IQSEC3: variants seen among roughly 807,000 people sequenced by gnomAD.
The protein encoded by IQSEC3 is IQ motif and Sec7 domain ArfGEF 3.
A neutral mutation model predicts 105.4 loss-of-function variants in IQSEC3; 50 were observed. The observed-to-expected ratio is 0.47, with a 90% CI of 0.38 to 0.60. IQSEC3 has a LOEUF of 0.60. Among genes scored for constraint, IQSEC3 ranks in the 20% least tolerant of loss-of-function variants. The probability of loss-of-function intolerance (pLI) is 0.00; values close to 1 mark genes in which losing one functional copy is unlikely to be tolerated. For synonymous variants in IQSEC3, 708 were observed against 746.0 expected, an observed-to-expected ratio of 0.95 and a Z score of 0.83; for missense variants, 1,415 against 1,630.0, an observed-to-expected ratio of 0.87 and a Z score of 2.27.
At chr12:115,341 G>T (rs1448719255) in intron 2 of IQSEC3, among the ~76,000 whole-genome samples, 2 of 152,148 alleles carry the variant, frequency 1.3e-5, no homozygotes, top group East Asian at 3.9e-4. Context: ...GGCTGACCTG[G>T]GTTGGAACAG....
chr12:87,842 T>C (rs1404928526), intron 1 of IQSEC3, among the ~76,000 whole-genome samples: 1 of 152,180 alleles, frequency 6.6e-6, no homozygotes, highest in African/African-American at 2.4e-5. Context: ...ACAGCTACCA[T>C]GTATTAGCCG....
chr12:117,831 C>T (rs1865098453), intron 2 of IQSEC3, among the ~76,000 whole-genome samples: 1 of 152,230 alleles, frequency 6.6e-6, no homozygotes, highest in South Asian at 2.1e-4. Flanking sequence ...AGAGCCGGGA[C>T]AGCCACATCT....
In IQSEC3 at chr12:175,053, C is replaced by A; in HGVS notation, c.*20C>A. The A allele has an allele frequency of 2.0e-6, 3 of 1,497,472 alleles. 1 individual carries two copies. The highest frequency in any genetic ancestry group is 2.7e-5 in the South Asian group (2 of 74,708). The allele number at this position is 1,497,472 out of a possible 1,614,324, so 92.8% of individuals were successfully genotyped here. A position where few individuals can be genotyped will look rare whatever the true frequency, so the allele number is the denominator to read the frequency against. ...GTGTAGACTCTGCCCCACCACCCTG[C>A]TGTCCTGGGAGGGCTGGCCACTGGG... On this transcript the variant is annotated 3_prime_UTR_variant, in exon 14 of 14. Coordinates refer to ENST00000538872, the MANE Select transcript of IQSEC3 (RefSeq NM_001170738.2).
intron 5 of IQSEC3, chr12:143,393 G>T (rs1315662888): frequency 1.3e-5 from 2 of 152,880 alleles, no homozygotes; most frequent in African/African-American, 4.8e-5. Context: ...CACCTCTCTG[G>T]GCCTCGGTGT....
intron 3 of IQSEC3, among the ~76,000 whole-genome samples, chr12:136,004 T>G (rs889868099): frequency 1.1e-4 from 17 of 152,216 alleles, no homozygotes; most frequent in Non-Finnish European, 5.9e-5. Flanking sequence ...TGTGGTCATG[T>G]GTTACACAGC....
chr12:81,731 C>A (rs187756517), intron 1 of IQSEC3, among the ~76,000 whole-genome samples: 112 of 152,182 alleles, frequency 7.4e-4, no homozygotes, highest in Non-Finnish European at 9.6e-4. Context: ...GCTTTTAAAG[C>A]CTTGAGACTG....
chr12:100,498 T>G (rs1322801996), intron 2 of IQSEC3, among the ~76,000 whole-genome samples: 1 of 152,182 alleles, frequency 6.6e-6, no homozygotes, highest in Admixed American at 6.5e-5. Flanking sequence ...GCATTGCTGT[T>G]CATTTTGCCT....
intron 5 of IQSEC3, among the ~76,000 whole-genome samples, chr12:147,422 C>T (rs544366669): frequency 6.6e-6 from 1 of 152,314 alleles, no homozygotes; most frequent in Non-Finnish European, 1.5e-5. Context: ...AATGAAGGCA[C>T]TGAGGAACAG....
chr12:154,247 T>C (rs1866607321), intron 5 of IQSEC3, among the ~76,000 whole-genome samples: 1 of 152,204 alleles, frequency 6.6e-6, no homozygotes, highest in South Asian at 2.1e-4. Flanking sequence ...GCTTGTCACC[T>C]GAGTGAAGGG....
Position 169,027 on chromosome 12 carries a change from C to A in IQSEC3, c.2986C>A (p.Gln996Lys). 6.2e-7 allele frequency: 1 copy of A among 1,614,052 alleles called. No individual in the cohort carries two copies. Among genetic ancestry groups the A allele is most frequent in the South Asian group, 1.1e-5 (1 of 91,076 alleles). ...QIRIEWELEK[Q>K]QGTKTLSFKP... ...GCATTCCTTAGGGGAGCTGGAGAAGCAGCAGGGAACAAAGACACTCTCCTT... is the reference window on the plus strand; with the variant it reads ...GCATTCCTTAGGGGAGCTGGAGAAGAAGCAGGGAACAAAGACACTCTCCTT... Residue 996 changes from glutamine (Q) to lysine (K), a missense_variant, in exon 12 of 14, where the codon CAG becomes AAG. Physicochemically the swap from Gln to Lys is moderately conservative, Grantham distance 53 (BLOSUM62 1). This residue lies in a region of IQSEC3 where 419 missense variants were observed against 436.2 expected (regional missense o/e 0.96). Transcript: ENST00000538872.
At chr12:150,310 G>T (rs531083055) in intron 5 of IQSEC3, among the ~76,000 whole-genome samples, 5 of 152,366 alleles carry the variant, frequency 3.3e-5, no homozygotes, top group South Asian at 4.1e-4. Flanking sequence ...GAGGCAGGGA[G>T]ATGCTGGATT....
chr12:106,833 A>T (rs1296791055), intron 2 of IQSEC3: 2 of 152,106 alleles, frequency 1.3e-5, no homozygotes, highest in African/African-American at 4.8e-5. Context: ...TTACCCATTC[A>T]CTTATCTTCT....
At chr12:157,221 A>G in intron 6 of IQSEC3, 74 bp downstream of exon 6, 1 of 1,450,166 alleles carries the variant, frequency 6.9e-7, no homozygotes. Flanking sequence ...AGCCTGGGAG[A>G]CAGGAGATGC....
intron 1 of IQSEC3, among the ~76,000 whole-genome samples, chr12:89,161 C>T (rs1483399486): frequency 6.6e-6 from 1 of 152,166 alleles, no homozygotes; most frequent in East Asian, 1.9e-4. Flanking sequence ...CCCAAATTTC[C>T]CCCATTCAGC....
intron 3 of IQSEC3, among the ~76,000 whole-genome samples, chr12:130,887 C>T (rs1865565877): frequency 1.3e-5 from 2 of 152,062 alleles, no homozygotes; most frequent in Non-Finnish European, 1.5e-5. Context: ...GCTCGCCAGG[C>T]CAAGTTCTGG....
At chr12:149,641 T>C (rs3858697) in intron 5 of IQSEC3, among the ~76,000 whole-genome samples, 44,044 of 152,002 alleles carry the variant, frequency 0.29, 6,773 homozygotes, top group Non-Finnish European at 0.34. Context: ...GCCCGTAGCC[T>C]CGTGGGGAAG....
At chr12:116,906 G>T (rs1865067079) in intron 2 of IQSEC3, among the ~76,000 whole-genome samples, 1 of 152,236 alleles carries the variant, frequency 6.6e-6, no homozygotes, top group South Asian at 2.1e-4. Flanking sequence ...CTGAGGAGGG[G>T]AGAGGAATAC....
intron 2 of IQSEC3, among the ~76,000 whole-genome samples, chr12:125,165 A>G (rs1367113680): frequency 6.6e-6 from 1 of 152,210 alleles, no homozygotes; most frequent in East Asian, 1.9e-4. Context: ...TACAATAGGT[A>G]ACACATGTAG....
rs1865855478 is a variant in IQSEC3, at chr12:138,372, A to G, written c.1009A>G (p.Lys337Glu). 1.2e-6 allele frequency: 2 copies of G among 1,612,738 alleles called. No homozygotes were observed. The highest frequency in any genetic ancestry group is 8.5e-7 in the Non-Finnish European group (1 of 1,179,998). ...RQYQLSKNFEKIRNSLLESRL... is the reference protein window; with the variant it reads ...RQYQLSKNFEEIRNSLLESRL... ...ATACCAGCTCAGCAAGAACTTCGAG[A>G]AAATCCGCAACTCGCTTCTGGAGAG... Residue 337 changes from lysine to glutamate, a missense_variant, in exon 4 of 14, where the codon AAA becomes GAA. Coordinates refer to ENST00000538872, the MANE Select transcript of IQSEC3 (RefSeq NM_001170738.2). This position sits in a 1 kb window ranked among gnomAD's most constrained non-coding sequence, Gnocchi z 7.1.
Sources: gnomAD v4.1 joint callset for allele counts (sites outside exome capture counted in the v4.1 genomes callset) on GRCh38, gnomAD v4.1.1 for gene constraint, gnomAD v4.1.1 regional missense constraint, Gnocchi (gnomAD v3.1) non-coding constraint, MANE v1.5 for transcripts, NCBI Gene and HGNC (gene_info 2026-07-23, HGNC 2026-07-21) for gene names.